The following CHN2 variants were observed in gnomAD, a reference collection of about 807,000 sequenced individuals.
CHN2 encodes the protein chimerin 2, also known as beta-chimaerin.
CHN2 carries 35 observed loss-of-function variants against 56.3 expected under a neutral mutation model. The observed-to-expected ratio is 0.62, with a 90% CI of 0.47 to 0.82. CHN2 has a LOEUF of 0.82. Among genes scored for constraint, CHN2 ranks in the 40% least tolerant of loss-of-function variants. The probability of loss-of-function intolerance (pLI) is 0.00; values close to 1 mark genes in which losing one functional copy is unlikely to be tolerated. For missense variants in CHN2, 491 were observed against 580.5 expected, an observed-to-expected ratio of 0.85 and a Z score of 1.58; for synonymous variants, 210 against 212.8, an observed-to-expected ratio of 0.99 and a Z score of 0.12.
intron 1 of CHN2, among the ~76,000 whole-genome samples, chr7:29,350,474 G>A (rs186252282): frequency 3.7e-4 from 57 of 152,260 alleles, no homozygotes; most frequent in Admixed American, 7.2e-4. Context: ...GTGTGCTTTA[G>A]TGGTTTGTGA....
In CHN2 at chr7:29,499,958, T is replaced by G. The variant is rs756455158; in HGVS notation, c.831T>G (p.Cys277Trp). The G allele has an allele frequency of 1.2e-6, 2 of 1,612,144 alleles. No homozygotes were observed. The highest frequency in any genetic ancestry group is 1.7e-5 in the Admixed American group (1 of 59,490). ...DLKRIKKVYCCDLTTLVKAHN... is the reference protein window; with the variant it reads ...DLKRIKKVYCWDLTTLVKAHN... ...AGAGGATCAAGAAAGTGTACTGTTG[T>G]GACCTCACAACACTTGTGAAGGCTC... The change falls in exon 9 of 13, where the codon TGT becomes TGG. Residue 277 changes from cysteine to tryptophan, a missense_variant. By Grantham distance (215) the Cys-to-Trp change is radical. Coordinates refer to ENST00000222792, the MANE Select transcript of CHN2 (RefSeq NM_004067.4).
At chr7:29,292,797 A>G (rs1792742166) in intron 1 of CHN2, 2 of 431,958 alleles carry the variant, frequency 4.6e-6, no homozygotes, top group East Asian at 7.1e-5. Flanking sequence ...TCTGTATTCA[A>G]AATATGTTCA....
chr7:29,359,345 T>G (rs576123809), intron 2 of CHN2, among the ~76,000 whole-genome samples: 3 of 152,270 alleles, frequency 2.0e-5, no homozygotes, highest in East Asian at 3.9e-4. Context: ...AGAAATCAGC[T>G]CTCTCAATAT....
chr7:29,321,914 C>A (rs1339135188), intron 1 of CHN2, among the ~76,000 whole-genome samples: 1 of 152,196 alleles, frequency 6.6e-6, no homozygotes, highest in Non-Finnish European at 1.5e-5. Flanking sequence ...AGGTTTAACA[C>A]CTCCTTTGCA....
At position 29,146,746 on chromosome 7, in the gene CHN2, G is replaced by A. The variant is rs1339041758; in HGVS notation, c.162+1G>A. The A allele has an allele frequency of 3.9e-6, 6 of 1,550,266 alleles. No individual in the cohort carries two copies. The East Asian group carries it at 1.5e-4, about 38-fold the overall frequency. On this transcript the variant is annotated splice_donor_variant, in intron 1 of 6. Coordinates refer to the CHN2 transcript ENST00000439384. LOFTEE classifies it high-confidence loss of function. ...AGAGCATCGGCGGGGTGCCATTCAG[G>A]TTGGTTTGTCCCTTTGTTTTATTTT...
intron 3 of CHN2, among the ~76,000 whole-genome samples, chr7:29,370,044 C>A (rs1327721462): frequency 2.6e-5 from 4 of 152,194 alleles, no homozygotes; most frequent in Non-Finnish European, 5.9e-5. Flanking sequence ...TCTAGCCAGG[C>A]AGGTGTCAGA....
chr7:29,231,441 G>A (rs554228091), intron 1 of CHN2, among the ~76,000 whole-genome samples: 11 of 152,170 alleles, frequency 7.2e-5, no homozygotes, highest in African/African-American at 2.4e-4. Context: ...TGTCTTTACC[G>A]CATTACGCAT....
intron 1 of CHN2, among the ~76,000 whole-genome samples, chr7:29,239,433 T>C (rs1231684403): frequency 6.6e-6 from 1 of 152,152 alleles, no homozygotes; most frequent in Admixed American, 6.5e-5. Flanking sequence ...ATTAGACGTG[T>C]CAAATAGGCA....
chr7:29,146,665 G>T (rs1361654475), exon 1 of CHN2: 11 of 1,550,486 alleles, frequency 7.1e-6, no homozygotes, highest in South Asian at 1.2e-5. Flanking sequence ...TCAAGTCAGC[G>T]CTTCCCATGC....
chr7:29,478,276 A>G (rs1361489979), intron 6 of CHN2, among the ~76,000 whole-genome samples: 2 of 152,162 alleles, frequency 1.3e-5, no homozygotes, highest in South Asian at 4.1e-4. Flanking sequence ...ATGTTGTAGG[A>G]TTTGTGGAGG....
At chr7:29,393,936 C>A (rs1309237734) in intron 4 of CHN2, among the ~76,000 whole-genome samples, 1 of 152,100 alleles carries the variant, frequency 6.6e-6, no homozygotes, top group African/African-American at 2.4e-5. Context: ...CTACTTTTCC[C>A]TCCACAAAAG....
intron 1 of CHN2, among the ~76,000 whole-genome samples, chr7:29,226,515 C>T (rs1042724435): frequency 6.6e-6 from 1 of 152,148 alleles, no homozygotes; most frequent in African/African-American, 2.4e-5. Flanking sequence ...ATTTTCAGTG[C>T]ACAGTAACCA....
chr7:29,483,185 C>T (rs1300261570), intron 7 of CHN2, among the ~76,000 whole-genome samples: 1 of 152,016 alleles, frequency 6.6e-6, no homozygotes, highest in Non-Finnish European at 1.5e-5. Context: ...CTCTTCTTAC[C>T]CCATAACAAG....
intron 6 of CHN2, among the ~76,000 whole-genome samples, chr7:29,412,337 TTTTTTTTTTTTG>T (rs1324258750): frequency 1.1e-3 from 112 of 99,546 alleles, no homozygotes; most frequent in Middle Eastern, 4.8e-3. Context: ...TTTTTTTTTT[TTTTTTTTTTTTG>T]GGAGACGGAG....
At chr7:29,363,907 C>T (rs1798933873) in intron 2 of CHN2, among the ~76,000 whole-genome samples, 1 of 152,074 alleles carries the variant, frequency 6.6e-6, no homozygotes, top group Admixed American at 6.5e-5. Flanking sequence ...GTTGATGGCA[C>T]CCGCCTGTAT....
At chr7:29,324,583 T>G (rs1795657096) in intron 1 of CHN2, among the ~76,000 whole-genome samples, 1 of 151,784 alleles carries the variant, frequency 6.6e-6, no homozygotes, top group South Asian at 2.1e-4. Context: ...TGCTAGATCG[T>G]GTCTTCTAAC....
chr7:29,331,390 G>T (rs1384711343), intron 1 of CHN2, among the ~76,000 whole-genome samples: 1 of 152,316 alleles, frequency 6.6e-6, no homozygotes, highest in South Asian at 2.1e-4. Flanking sequence ...GGAGCCTGGG[G>T]ACGGCTAGAG....
intron 2 of CHN2, among the ~76,000 whole-genome samples, chr7:29,362,769 T>C (rs900519947): frequency 6.6e-6 from 1 of 152,216 alleles, no homozygotes; most frequent in Non-Finnish European, 1.5e-5. Context: ...TCTGACCACT[T>C]GAGTACATTG....
chr7:29,196,890 G>A (rs1416653608), intron 1 of CHN2, among the ~76,000 whole-genome samples: 2 of 152,176 alleles, frequency 1.3e-5, no homozygotes, highest in Non-Finnish European at 2.9e-5. Context: ...AATCCTAAGG[G>A]AAAATGGGAA....
Sources: allele counts gnomAD v4.1 joint callset (sites outside exome capture counted in the v4.1 genomes callset), GRCh38; gene constraint gnomAD v4.1.1; transcripts MANE v1.5; gene names NCBI Gene and HGNC (gene_info 2026-07-23, HGNC 2026-07-21).